GPRIN3: variants seen among roughly 807,000 people sequenced by gnomAD.
The protein encoded by GPRIN3 is G protein-regulated inducer of neurite outgrowth 3.
A neutral mutation model predicts 13.7 loss-of-function variants in GPRIN3; 12 were observed. The observed-to-expected ratio is 0.87, with a 90% CI of 0.56 to 1.42. The LOEUF (loss-of-function observed/expected upper bound fraction) is 1.42. Among genes scored for constraint, GPRIN3 ranks in the 40% most tolerant of loss-of-function variants. The pLI, the probability that GPRIN3 is intolerant of heterozygous loss-of-function variation, is 0.00. For synonymous variants in GPRIN3, 377 were observed against 372.7 expected (o/e 1.01, Z -0.13); for missense variants, 1,009 against 958.7 (o/e 1.05, Z -0.69).
rs554015332 is a variant in GPRIN3, at chr4:89,237,168, A to T, written c.*10612T>A. On this transcript the variant is annotated 3_prime_UTR_variant, in exon 2 of 2. Transcript: ENST00000609438. Reference sequence around the variant, plus strand: ...CTGCAAGCACTTTCAGCTTCCATCCAGACAATTTGAATTTCAACTATGTTA... The same window carrying T: ...CTGCAAGCACTTTCAGCTTCCATCCTGACAATTTGAATTTCAACTATGTTA... The T allele has an allele frequency of 6.6e-6, 1 of 152,336 alleles. No individual in the cohort carries two copies. The highest frequency in any genetic ancestry group is 1.5e-5 in the Non-Finnish European group (1 of 68,022). 9.4% of individuals were successfully genotyped at this position (152,336 alleles called of 1,614,324 possible). A position where few individuals can be genotyped will look rare whatever the true frequency, so the allele number is the denominator to read the frequency against.
rs138563442 is a variant in GPRIN3 at position 89,251,904 on chromosome 4, C to A, written c.-123-1671G>T. Among the ~76,000 whole-genome samples, 531 of 151,594 alleles carry A rather than the reference C, an allele frequency of 3.5e-3. 5 individuals are homozygous for A. Among genetic ancestry groups the A allele is most frequent in the Non-Finnish European group, 4.0e-3 (271 of 67,940 alleles). On this transcript the variant is annotated intron_variant, in intron 1 of 1. Coordinates refer to ENST00000609438, the MANE Select transcript of GPRIN3 (RefSeq NM_198281.3). Reference sequence around the variant, plus strand: ...TGAAAGTACCCAAAGGTGGAAAATGCTGAATTTTAAAAATCAGAAATGATT... The same window carrying A: ...TGAAAGTACCCAAAGGTGGAAAATGATGAATTTTAAAAATCAGAAATGATT...
chr4:89,256,455 A>G (rs769842361), intron 1 of GPRIN3, among the ~76,000 whole-genome samples: 14 of 152,188 alleles, frequency 9.2e-5, no homozygotes, highest in Non-Finnish European at 1.8e-4. Context: ...AGACACCTGC[A>G]CTTAATAAGA....
At position 89,254,128 on chromosome 4, in the gene GPRIN3, G is replaced by GGT. The variant is rs57642647; in HGVS notation, c.-123-3897_-123-3896dup. ...TCTACAGAAGGGTGTGTTGCATCTG[G>GGT]GTGTGTGTGTGTGTGTGTGTGTGGA... On this transcript the variant is annotated intron_variant, in intron 1 of 1. Coordinates refer to ENST00000609438, the MANE Select transcript of GPRIN3 (RefSeq NM_198281.3). 9.5e-3 allele frequency among the ~76,000 whole-genome samples: 1,401 copies of GGT among 147,718 alleles called. 20 individuals carry two copies. The highest frequency in any genetic ancestry group is 0.03 in the African/African-American group (1,213 of 40,066).
At chr4:89,301,182 A>C (rs1228159020) in intron 1 of GPRIN3, among the ~76,000 whole-genome samples, 1 of 152,202 alleles carries the variant, frequency 6.6e-6, no homozygotes, top group Non-Finnish European at 1.5e-5. Context: ...AAGCGATGTA[A>C]TGGCAAAGGC....
chr4:89,272,589 T>A (rs2149272498), intron 1 of GPRIN3, among the ~76,000 whole-genome samples: 1 of 152,344 alleles, frequency 6.6e-6, no homozygotes, highest in South Asian at 2.1e-4. Flanking sequence ...CTAATTGTTT[T>A]AAAATGAGTG....
intron 1 of GPRIN3, among the ~76,000 whole-genome samples, chr4:89,288,037 C>A (rs1351345149): frequency 6.6e-6 from 1 of 152,140 alleles, no homozygotes; most frequent in Non-Finnish European, 1.5e-5. Context: ...ATCATTTGAA[C>A]ACATGGAATA....
intron 1 of GPRIN3, among the ~76,000 whole-genome samples, chr4:89,277,484 T>C (rs1405228590): frequency 6.6e-6 from 1 of 152,208 alleles, no homozygotes; most frequent in Non-Finnish European, 1.5e-5. Context: ...CTTTGCCCCT[T>C]TTGTCACAGG....
At position 89,249,735 on chromosome 4, in the gene GPRIN3, A is replaced by G. The variant is rs1723263890; in HGVS notation, c.376T>C (p.Leu126=). 6 of 1,614,024 alleles carry G rather than the reference A, an allele frequency of 3.7e-6. No homozygotes were observed. In the South Asian group the frequency reaches 6.6e-5, roughly 18 times the overall value. The change falls in exon 2 of 2, where the codon TTG becomes CTG. Residue 126 remains leucine, a synonymous_variant. Coordinates refer to ENST00000609438, the MANE Select transcript of GPRIN3 (RefSeq NM_198281.3). The part of the protein sequence containing the change: ...AAGRDLIHTP[L]TMPANQHTCQ... ...GTGTGCTGATTGGCGGGCATTGTCAATGGTGTGTGTATAAGATCCCTTCCT... is the reference window on the plus strand; with the variant it reads ...GTGTGCTGATTGGCGGGCATTGTCAGTGGTGTGTGTATAAGATCCCTTCCT...
At chr4:89,273,960 A>ACGACATGAGTAAACATAGACTCTGTC (rs1261795202) in intron 1 of GPRIN3, among the ~76,000 whole-genome samples, 3 of 152,366 alleles carry the variant, frequency 2.0e-5, no homozygotes, top group Admixed American at 6.5e-5. Flanking sequence ...CACTGAGGAT[A>ACGACATGAGTAAACATAGACTCTGTC]CGACATGAGT....
In GPRIN3 at chr4:89,246,275, C is replaced by G. The variant is rs1005596263; in HGVS notation, c.*1505G>C. On this transcript the variant is annotated 3_prime_UTR_variant, in exon 2 of 2. Coordinates refer to ENST00000609438, the MANE Select transcript of GPRIN3 (RefSeq NM_198281.3). ...ATGAGTTCAAAGAAGACAACCGGTG[C>G]CCCTCCAGCATCTAAGTCTGGTTTT... 6.6e-6 allele frequency: 1 copy of G among 152,158 alleles called. No homozygotes were observed. The highest frequency in any genetic ancestry group is 2.4e-5 in the African/African-American group (1 of 41,434). 9.4% of individuals were successfully genotyped at this position (152,158 alleles called of 1,614,324 possible).
intron 1 of GPRIN3, among the ~76,000 whole-genome samples, chr4:89,291,361 T>C (rs1724567055): frequency 1.3e-5 from 2 of 152,130 alleles, no homozygotes; most frequent in African/African-American, 4.8e-5. Context: ...TCCTCACCTT[T>C]AATGCAGACC....
At chr4:89,297,605 T>C (rs140924956) in intron 1 of GPRIN3, among the ~76,000 whole-genome samples, 1,688 of 152,280 alleles carry the variant, frequency 0.011, 21 homozygotes, top group Admixed American at 0.021. Flanking sequence ...TACACAGAGA[T>C]GGAATCACTT....
In GPRIN3 at chr4:89,247,100, C is replaced by T. The variant is rs1723121422; in HGVS notation, c.*680G>A. 6.6e-6 allele frequency: 1 copy of T among 152,242 alleles called. No homozygotes were observed. Among genetic ancestry groups the T allele is most frequent in the Middle Eastern group, 3.4e-3 (1 of 294 alleles). The allele number at this position is 152,242 out of a possible 1,614,324, so 9.4% of individuals were successfully genotyped here. A position where few individuals can be genotyped will look rare whatever the true frequency, so the allele number is the denominator to read the frequency against. On this transcript the variant is annotated 3_prime_UTR_variant, in exon 2 of 2. Coordinates refer to ENST00000609438, the MANE Select transcript of GPRIN3 (RefSeq NM_198281.3). ...TGTAGGCAGTTTTCATAGTCAAAAG[C>T]TTAGCTAATGTTCCTAATATAACTT...
At chr4:89,284,546 C>T (rs910991260) in intron 1 of GPRIN3, among the ~76,000 whole-genome samples, 2 of 152,206 alleles carry the variant, frequency 1.3e-5, no homozygotes, top group African/African-American at 4.8e-5. Context: ...CACAGGTTAG[C>T]TAGTAGTAAC....
intron 1 of GPRIN3, among the ~76,000 whole-genome samples, chr4:89,262,424 T>A (rs1409456391): frequency 6.6e-6 from 1 of 152,170 alleles, no homozygotes; most frequent in African/African-American, 2.4e-5. Context: ...TTTGGAATTT[T>A]AAACTATATG....
At chr4:89,294,547 A>C (rs528245308) in intron 1 of GPRIN3, among the ~76,000 whole-genome samples, 1 of 152,314 alleles carries the variant, frequency 6.6e-6, no homozygotes, top group Admixed American at 6.5e-5. Flanking sequence ...GCAGGGATGC[A>C]TCTTCTCATT....
intron 1 of GPRIN3, among the ~76,000 whole-genome samples, chr4:89,263,067 C>A (rs539689810): frequency 2.6e-5 from 4 of 152,184 alleles, no homozygotes; most frequent in African/African-American, 9.7e-5. Context: ...ATCAAATCCA[C>A]GTCTTCTGTC....
chr4:89,277,223 G>A (rs1724118859), intron 1 of GPRIN3, among the ~76,000 whole-genome samples: 1 of 152,138 alleles, frequency 6.6e-6, no homozygotes, highest in African/African-American at 2.4e-5. Flanking sequence ...AGGCCCAAAT[G>A]GTAACCATAG....
intron 1 of GPRIN3, among the ~76,000 whole-genome samples, chr4:89,270,671 T>C (rs566807931): frequency 1.3e-5 from 2 of 148,508 alleles, no homozygotes. Context: ...TCCCAGTAGC[T>C]GGTACTTCAG....
Sources: allele counts gnomAD v4.1 joint callset (sites outside exome capture counted in the v4.1 genomes callset), GRCh38; gene constraint gnomAD v4.1.1; transcripts MANE v1.5; gene names NCBI Gene and HGNC (gene_info 2026-07-23, HGNC 2026-07-21).